TRPM2: variants seen among roughly 807,000 people sequenced by gnomAD.
TRPM2 encodes estrogen-responsive element-associated gene 1 protein.
A neutral mutation model predicts 174.0 loss-of-function variants in TRPM2; 161 were observed. The observed-to-expected ratio is 0.93, with a 90% CI of 0.81 to 1.05. The LOEUF (loss-of-function observed/expected upper bound fraction) is 1.05, where lower values mean the gene tolerates loss of function less well. TRPM2 is among the 50% of genes least tolerant of loss of function. The pLI is 0.00. For missense variants in TRPM2, 2,057 were observed against 2,038.0 expected (o/e 1.01, Z -0.18); for synonymous variants, 954 against 861.3 (o/e 1.11, Z -1.88).
chr21:44,403,873 TAC>T (rs1394986798), intron 16 of TRPM2, among the ~76,000 whole-genome samples: 1 of 149,554 alleles, frequency 6.7e-6, no homozygotes, highest in Non-Finnish European at 1.5e-5. Flanking sequence ...AATATACACA[TAC>T]ATACACATGC....
chr21:44,409,153 G>T (rs1173297702), intron 19 of TRPM2, among the ~76,000 whole-genome samples: 1 of 152,114 alleles, frequency 6.6e-6, no homozygotes, highest in African/African-American at 2.4e-5. Flanking sequence ...AAATTTTGAT[G>T]ATGTTCAACT....
At chr21:44,427,237 C>T (rs1040076659) in intron 27 of TRPM2, 126 bp downstream of exon 27, 20 of 822,414 alleles carry the variant, frequency 2.4e-5, no homozygotes, top group Middle Eastern at 2.4e-4. Context: ...CGTGAGCCAC[C>T]GAAAGGAAGA....
intron 28 of TRPM2, among the ~76,000 whole-genome samples, chr21:44,436,824 C>T (rs115443516): frequency 1.7e-3 from 257 of 152,230 alleles, no homozygotes; most frequent in African/African-American, 6.0e-3. Context: ...AAAAATTCTC[C>T]ATGAAGGCTG....
rs921929045 is a variant in TRPM2 at position 44,399,409 on chromosome 21, G to A, written c.2176G>A (p.Asp726Asn). The change falls in exon 14 of 32, where the codon GAC (aspartate) becomes AAC (asparagine). Residue 726 changes from aspartate (D) to asparagine (N), a missense_variant. Physicochemically the swap from Asp to Asn is conservative, Grantham distance 23. Transcript: ENST00000397928. The surrounding 1 kb of genome is among the most constrained non-coding windows in gnomAD (Gnocchi z 4.6). ...CCTGCAGCTCGCCCTGGAGGCCAAG[G>A]ACATGAAGTTTGTGTCTCACGGGGG... ...TCLQLALEAK[D>N]MKFVSHGGIQ... 10 of 1,612,694 alleles carry A rather than the reference G, an allele frequency of 6.2e-6. No individual in the cohort carries two copies. Among genetic ancestry groups the A allele is most frequent in the South Asian group, 1.1e-5 (1 of 91,062 alleles).
intron 31 of TRPM2, among the ~76,000 whole-genome samples, chr21:44,441,435 A>G (rs2051501023): frequency 6.6e-6 from 1 of 152,234 alleles, no homozygotes; most frequent in South Asian, 2.1e-4. Context: ...GGGAAATTCC[A>G]TAAATAACCC....
At position 44,405,228 on chromosome 21, in the gene TRPM2, A is replaced by C. The variant is rs2049826392; in HGVS notation, c.2625A>C (p.Ala875=). ...TCTGGAATAAGCTGGACGTCGGCGC[A>C]ATCTTGCTCTTCGTGGCAGGGCTGA... is the stretch of plus-strand genomic sequence containing the variant. ...SDFWNKLDVG[A]ILLFVAGLTC... is the part of the protein sequence containing the mutation. The change falls in exon 17 of 32, where the codon GCA becomes GCC. Residue 875 remains alanine (A), a synonymous_variant. Coordinates refer to ENST00000397928, the MANE Select transcript of TRPM2 (RefSeq NM_003307.4). 1.9e-6 allele frequency: 3 copies of C among 1,613,238 alleles called. No homozygotes were observed. The African/African-American group carries it at 4.0e-5, about 22-fold the overall frequency.
intron 8 of TRPM2, among the ~76,000 whole-genome samples, chr21:44,381,836 G>C (rs2048886175): frequency 6.6e-6 from 1 of 152,000 alleles, no homozygotes; most frequent in African/African-American, 2.4e-5. Flanking sequence ...GAAGCCAGGA[G>C]GTGGAGGTTG....
Position 44,426,751 on chromosome 21 carries a change from C to T in TRPM2, c.3872+15C>T. 1.2e-6 allele frequency: 2 copies of T among 1,613,516 alleles called. No individual in the cohort carries two copies. Among genetic ancestry groups the T allele is most frequent in the Non-Finnish European group, 1.7e-6 (2 of 1,179,804 alleles). On this transcript the variant is annotated intron_variant, in intron 26 of 31. Transcript: ENST00000397928. ...CCCATGGGAGAGTGAGTATGAGCCGCTGTCCGTGCTCCCAGCTGGCCCCAA... is the reference window on the plus strand; with the variant it reads ...CCCATGGGAGAGTGAGTATGAGCCGTTGTCCGTGCTCCCAGCTGGCCCCAA...
In TRPM2 at chr21:44,399,328, G is replaced by GA; in HGVS notation, c.2096dup (p.Arg700GlufsTer151). 2.5e-6 allele frequency: 4 copies of GA among 1,612,782 alleles called. No individual in the cohort carries two copies. The highest frequency in any genetic ancestry group is 3.4e-6 in the Non-Finnish European group (4 of 1,179,874). ...CACCGAGTGCTACCGGAAGGACGAA[G>GA]AGAGAGCCCAGAAACTGCTCACCCG... On this transcript the variant is annotated frameshift_variant, in exon 14 of 32. Transcript: ENST00000397928. LOFTEE classifies it high-confidence loss of function. The surrounding 1 kb of genome is among the most constrained non-coding windows in gnomAD (Gnocchi z 4.6).
At chr21:44,357,009 G>A (rs992721452) in intron 2 of TRPM2, among the ~76,000 whole-genome samples, 1 of 152,146 alleles carries the variant, frequency 6.6e-6, no homozygotes, top group African/African-American at 2.4e-5. Flanking sequence ...GGTTTTGGTG[G>A]GTTTTACCCA....
intron 13 of TRPM2, 141 bp downstream of exon 13, chr21:44,398,017 T>A (rs912630544): frequency 9.2e-7 from 1 of 1,085,234 alleles, no homozygotes; most frequent in Non-Finnish European, 1.2e-6. Context: ...ACGCTTACCC[T>A]GGGGTCCTCA....
chr21:44,356,259 G>A (rs1025297961), intron 2 of TRPM2, among the ~76,000 whole-genome samples: 7 of 150,474 alleles, frequency 4.7e-5, no homozygotes, highest in South Asian at 2.1e-4. Context: ...CAAAACTCGC[G>A]GCCATGGAGG....
At position 44,366,694 on chromosome 21, in the gene TRPM2, T is replaced by TC; in HGVS notation, c.424-59dup. On this transcript the variant is annotated intron_variant, in intron 3 of 31. Transcript: ENST00000397928. The surrounding 1 kb of genome is among the most constrained non-coding windows in gnomAD (Gnocchi z 6.0). ...GGCCTCTCTGCATGGCCTGTGTGGG[T>TC]CGGTGCTGTCCCTGACCACTGACAC... 1 of 1,609,436 alleles carries TC rather than the reference T, an allele frequency of 6.2e-7. No homozygotes were observed. The highest frequency in any genetic ancestry group is 8.5e-7 in the Non-Finnish European group (1 of 1,178,676).
chr21:44,403,823 A>G (rs1303895274), intron 16 of TRPM2, among the ~76,000 whole-genome samples: 2 of 152,090 alleles, frequency 1.3e-5, no homozygotes, highest in African/African-American at 4.8e-5. Context: ...ATACACATGC[A>G]CACACATGCA....
chr21:44,380,237 C>T (rs1475474832), intron 8 of TRPM2, among the ~76,000 whole-genome samples: 5 of 152,172 alleles, frequency 3.3e-5, no homozygotes, highest in Admixed American at 2.0e-4. Flanking sequence ...AGAGTGACCT[C>T]GTTCTGCACA....
At chr21:44,400,698 G>A (rs571375056) in intron 15 of TRPM2, among the ~76,000 whole-genome samples, 9 of 152,256 alleles carry the variant, frequency 5.9e-5, no homozygotes, top group South Asian at 2.1e-4. Flanking sequence ...AGTCTGCGGC[G>A]TGGGCAGTTA....
intron 28 of TRPM2, 92 bp downstream of exon 28, chr21:44,435,309 C>A (rs757525027): frequency 7.2e-7 from 1 of 1,397,120 alleles, no homozygotes; most frequent in African/African-American, 1.4e-5. Flanking sequence ...GCTCAGGGGC[C>A]GGGAGGGCGG....
At chr21:44,426,622 G>A (rs187676424) in intron 25 of TRPM2, 38 bp from the exon 26 acceptor site, 1 of 1,609,470 alleles carries the variant, frequency 6.2e-7, no homozygotes, top group African/African-American at 1.3e-5. Context: ...TTGCAGTGGG[G>A]GTAAAAATCT....
Position 44,369,330 on chromosome 21 carries a change from T to C in TRPM2, c.758T>C (p.Leu253Pro). 3 of 1,612,174 alleles carry C rather than the reference T, an allele frequency of 1.9e-6. No individual in the cohort carries two copies. The highest frequency in any genetic ancestry group is 1.7e-6 in the Non-Finnish European group (2 of 1,178,974). Residue 253 changes from leucine to proline, a missense_variant, in exon 5 of 32, where the codon CTG (leucine) becomes CCG (proline). By Grantham distance (98) the Leu-to-Pro change is moderately conservative. Transcript: ENST00000397928. ...TWGTVHRREG[L>P]IHPTGSFPAE... ...GGCACTGTCCACCGCCGCGAGGGCC[T>C]GATCCATCCCACGGTGAGTGCGGCC...
Sources: gnomAD v4.1 joint callset for allele counts (sites outside exome capture counted in the v4.1 genomes callset) on GRCh38, gnomAD v4.1.1 for gene constraint, Gnocchi (gnomAD v3.1) non-coding constraint, MANE v1.5 for transcripts, NCBI Gene and HGNC (gene_info 2026-07-23, HGNC 2026-07-21) for gene names.